The following MACROD1 variants were observed in gnomAD, a reference collection of about 807,000 sequenced individuals.
The protein encoded by MACROD1 is ADP-ribose glycohydrolase MACROD1.
Under a neutral mutation model 41.4 loss-of-function variants are expected in MACROD1, and 31 were observed. The observed-to-expected ratio is 0.75, with a 90% CI of 0.56 to 1.01. MACROD1 has a LOEUF of 1.01. Ranked by LOEUF, MACROD1 falls within the 50% of genes least tolerant of loss-of-function variation. The pLI, the probability that MACROD1 is intolerant of heterozygous loss-of-function variation, is 0.00. For synonymous variants in MACROD1, 252 were observed against 203.4 expected, an observed-to-expected ratio of 1.24 and a Z score of -2.03; for missense variants, 473 against 460.0, an observed-to-expected ratio of 1.03 and a Z score of -0.26.
At chr11:64,013,031 T>C (rs1441176157) in intron 4 of MACROD1, among the ~76,000 whole-genome samples, 1 of 151,984 alleles carries the variant, frequency 6.6e-6, no homozygotes, top group African/African-American at 2.4e-5. Flanking sequence ...GGTCTTACTA[T>C]GTTCCCCAGG....
At chr11:64,144,777 G>T (rs868169719) in intron 3 of MACROD1, among the ~76,000 whole-genome samples, 11 of 152,256 alleles carry the variant, frequency 7.2e-5, no homozygotes, top group African/African-American at 2.4e-4. Context: ...AGAGGTTTCT[G>T]CTGTCGTGGT....
chr11:64,111,296 AC>A (rs1340676367), intron 3 of MACROD1, among the ~76,000 whole-genome samples: 1 of 152,168 alleles, frequency 6.6e-6, no homozygotes, highest in Non-Finnish European at 1.5e-5. Context: ...CAGCCAACAG[AC>A]CAGGTTGGGG....
At chr11:64,110,705 G>A (rs977600446) in intron 3 of MACROD1, among the ~76,000 whole-genome samples, 5 of 152,258 alleles carry the variant, frequency 3.3e-5, no homozygotes, top group African/African-American at 1.2e-4. Context: ...CTGGCAGGTC[G>A]TAACTCACAC....
rs1269062623 is a variant in MACROD1 at position 63,999,977 on chromosome 11, C to A, written c.665-214G>T. On this transcript the variant is annotated intron_variant, in intron 5 of 10. Coordinates refer to ENST00000255681, the MANE Select transcript of MACROD1 (RefSeq NM_014067.4). ...CCCCCTCCCCACATCTGTATGGGCC[C>A]GGCTGAGACCCGAGCGCGAGTGTGG... is the stretch of plus-strand genomic sequence containing the variant. The A allele has an allele frequency of 7.5e-6, 5 of 663,622 alleles. 1 individual carries two copies. Among genetic ancestry groups the A allele is most frequent in the South Asian group, 3.9e-5 (2 of 51,820 alleles). The allele number at this position is 663,622 out of a possible 1,614,324, so 41.1% of individuals were successfully genotyped here. A position where few individuals can be genotyped will look rare whatever the true frequency, so the allele number is the denominator to read the frequency against.
chr11:63,999,826 C>A, intron 5 of MACROD1, 63 bp from the exon 6 acceptor site: 1 of 1,544,174 alleles, frequency 6.5e-7, no homozygotes, highest in Non-Finnish European at 8.7e-7. Context: ...CCTCGCTTCC[C>A]CCTGCCGGCC....
chr11:64,117,952 C>T (rs566001505), intron 3 of MACROD1: 1 of 1,613,700 alleles, frequency 6.2e-7, no homozygotes, highest in South Asian at 1.1e-5. Flanking sequence ...GGGGCAGTGG[C>T]TCTGGTCTTC....
At chr11:64,042,593 G>C (rs1353891873) in intron 3 of MACROD1, among the ~76,000 whole-genome samples, 1 of 152,090 alleles carries the variant, frequency 6.6e-6, no homozygotes, top group Admixed American at 6.5e-5. Flanking sequence ...TGGCCTGGTG[G>C]CCAGGCCTGT....
At chr11:64,128,204 A>C (rs1379987637) in intron 3 of MACROD1, among the ~76,000 whole-genome samples, 2 of 152,082 alleles carry the variant, frequency 1.3e-5, no homozygotes, top group African/African-American at 4.8e-5. Flanking sequence ...ACCACCCAGG[A>C]AAGGACCCAG....
At chr11:64,148,673 T>C in intron 3 of MACROD1, 3 of 924,698 alleles carry the variant, frequency 3.2e-6, no homozygotes, top group Non-Finnish European at 3.9e-6. Context: ...TGCTTGAAAC[T>C]TTACATATGA....
rs1028666765 is a variant in MACROD1, at chr11:64,036,931, G to T, written c.518-21650C>A. On this transcript the variant is annotated intron_variant, in intron 3 of 10. Transcript: ENST00000255681. The surrounding 1 kb of genome is among the most constrained non-coding windows in gnomAD (Gnocchi z 5.6). The stretch of plus-strand genomic sequence containing the variant: ...GGGGAGTGTTGTCGCCCAGCTGCAG[G>T]GAACCGTGGTTGATCAGAGCTCCCC... 6.6e-6 allele frequency among the ~76,000 whole-genome samples: 1 copy of T among 152,212 alleles called. No individual in the cohort carries two copies. The highest frequency in any genetic ancestry group is 2.4e-5 in the African/African-American group (1 of 41,456).
intron 3 of MACROD1, among the ~76,000 whole-genome samples, chr11:64,150,912 G>T (rs1431557502): frequency 6.6e-6 from 1 of 152,196 alleles, no homozygotes; most frequent in East Asian, 1.9e-4. Flanking sequence ...GCTGGTTGGG[G>T]CTTCTGTGGC....
At chr11:64,041,164 C>T (rs1943476741) in intron 3 of MACROD1, among the ~76,000 whole-genome samples, 1 of 116,072 alleles carries the variant, frequency 8.6e-6, no homozygotes, top group South Asian at 3.0e-4. Context: ...CTGAATTAAT[C>T]GTTGGCACCA....
At chr11:63,999,184 A>C (rs919749734) in intron 8 of MACROD1, 147 bp downstream of exon 8, 60 of 1,339,272 alleles carry the variant, frequency 4.5e-5, no homozygotes, top group Admixed American at 1.5e-4. Flanking sequence ...CCATCTCGCC[A>C]CCGCCAGGCG....
At chr11:64,050,569 C>T (rs1414690764) in intron 3 of MACROD1, among the ~76,000 whole-genome samples, 1 of 152,226 alleles carries the variant, frequency 6.6e-6, no homozygotes, top group Non-Finnish European at 1.5e-5. Flanking sequence ...CCTCACAGCG[C>T]TAAGGACAGG....
At position 64,000,297 on chromosome 11, in the gene MACROD1, C is replaced by T. The variant is rs955707258; in HGVS notation, c.594G>A (p.Glu198=). 7.5e-6 allele frequency: 12 copies of T among 1,598,874 alleles called. No individual in the cohort carries two copies. Among genetic ancestry groups the T allele is most frequent in the Admixed American group, 1.7e-5 (1 of 58,354 alleles). Residue 198 remains glutamate, a synonymous_variant, in exon 5 of 11, where the codon GAG becomes GAA. Coordinates refer to ENST00000255681, the MANE Select transcript of MACROD1 (RefSeq NM_014067.4). ...HRAAGPLLTD[E]CRTLQSCKTG... ...TCTTACAGCTCTGCAGGGTCCGGCA[C>T]TCGTCGGTAAGCAGGGGGCCGGCGG...
intron 3 of MACROD1, among the ~76,000 whole-genome samples, chr11:64,137,007 G>C (rs1266264252): frequency 1.3e-5 from 2 of 152,254 alleles, no homozygotes; most frequent in Non-Finnish European, 2.9e-5. Flanking sequence ...AGCCGCCTGT[G>C]TGATTCCTAA....
At position 64,120,241 on chromosome 11, in the gene MACROD1, GGTCCACT is replaced by G; in HGVS notation, c.517+30991_517+30997del. ...CCTGGGGGGGCTAGCCCACGAAATAGGTCCACTCCCCAGCCCTGGGGAACAGCCGAGC... is the reference window on the plus strand; with the variant it reads ...CCTGGGGGGGCTAGCCCACGAAATAGCCCCAGCCCTGGGGAACAGCCGAGC... On this transcript the variant is annotated intron_variant, in intron 3 of 10. Coordinates refer to ENST00000255681, the MANE Select transcript of MACROD1 (RefSeq NM_014067.4). The surrounding 1 kb of genome is among the most constrained non-coding windows in gnomAD (Gnocchi z 4.5). Among the ~76,000 whole-genome samples the G allele has an allele frequency of 6.6e-6, 1 of 152,256 alleles. No individual in the cohort carries two copies. The highest frequency in any genetic ancestry group is 2.1e-4 in the South Asian group (1 of 4,814).
At chr11:64,010,479 G>T (rs1019294987) in intron 4 of MACROD1, among the ~76,000 whole-genome samples, 5 of 150,182 alleles carry the variant, frequency 3.3e-5, no homozygotes, top group Admixed American at 1.3e-4. Context: ...GTTGGTTGGG[G>T]TGTTGGCTGG....
intron 4 of MACROD1, among the ~76,000 whole-genome samples, chr11:64,011,193 G>A (rs1323637917): frequency 6.6e-6 from 1 of 150,424 alleles, no homozygotes; most frequent in Non-Finnish European, 1.5e-5. Flanking sequence ...GGTATTTGTT[G>A]GGGTGTTGGC....
Sources: allele counts gnomAD v4.1 joint callset (sites outside exome capture counted in the v4.1 genomes callset), GRCh38; gene constraint gnomAD v4.1.1; non-coding constraint Gnocchi (gnomAD v3.1); transcripts MANE v1.5; gene names NCBI Gene and HGNC (gene_info 2026-07-23, HGNC 2026-07-21).